CSMD1: variants seen among roughly 807,000 people sequenced by gnomAD.
The protein encoded by CSMD1 is CUB and Sushi multiple domains 1.
Under a neutral mutation model 417.5 loss-of-function variants are expected in CSMD1, and 213 were observed. The ratio of observed to expected loss-of-function variants is 0.51; its 90% confidence interval spans 0.46 to 0.57. The LOEUF is 0.57. CSMD1 is among the 20% of genes least tolerant of loss of function. The pLI, the probability that CSMD1 is intolerant of heterozygous loss-of-function variation, is 0.00. For synonymous variants in CSMD1, 2,862 were observed against 1,736.8 expected, an observed-to-expected ratio of 1.65 and a Z score of -16.11; for missense variants, 6,923 against 4,529.7, an observed-to-expected ratio of 1.53 and a Z score of -15.17.
intron 3 of CSMD1, among the ~76,000 whole-genome samples, chr8:4,413,900 C>T (rs1022956259): frequency 2.2e-4 from 34 of 152,272 alleles, no homozygotes; most frequent in African/African-American, 8.2e-4. Context: ...GTCTAAGTTA[C>T]CTAATTAGCC....
At chr8:3,803,458 A>T (rs1800567504) in intron 5 of CSMD1, among the ~76,000 whole-genome samples, 2 of 152,192 alleles carry the variant, frequency 1.3e-5, no homozygotes, top group South Asian at 4.1e-4. Flanking sequence ...AAAATATTAA[A>T]CCCCAAGTTA....
chr8:4,192,681 C>G (rs1445450531), intron 3 of CSMD1, among the ~76,000 whole-genome samples: 1 of 152,178 alleles, frequency 6.6e-6, no homozygotes, highest in East Asian at 1.9e-4. Flanking sequence ...GCACTTAAAT[C>G]TTAAATCTGT....
chr8:4,655,263 C>T (rs368381088), intron 1 of CSMD1, among the ~76,000 whole-genome samples: 1 of 152,054 alleles, frequency 6.6e-6, no homozygotes, highest in Non-Finnish European at 1.5e-5. Context: ...TAGAACCCTC[C>T]CCCTGGGGTC....
chr8:3,993,956 A>G (rs1288312435), intron 5 of CSMD1, among the ~76,000 whole-genome samples: 2 of 152,182 alleles, frequency 1.3e-5, no homozygotes, highest in Non-Finnish European at 2.9e-5. Flanking sequence ...ACGCCCAGTA[A>G]CATAAAGACA....
intron 25 of CSMD1, among the ~76,000 whole-genome samples, chr8:3,293,844 C>A (rs925926290): frequency 6.6e-6 from 1 of 152,206 alleles, no homozygotes; most frequent in East Asian, 1.9e-4. Flanking sequence ...AGTCATTCTC[C>A]ATCCAGCTTT....
intron 5 of CSMD1, among the ~76,000 whole-genome samples, chr8:3,789,145 T>G (rs1232604583): frequency 6.6e-6 from 1 of 152,144 alleles, no homozygotes; most frequent in Non-Finnish European, 1.5e-5. Flanking sequence ...TTTAGAGCAA[T>G]GCCCCAGAGA....
chr8:3,237,680 ATTATAC>A (rs1211873132), intron 26 of CSMD1, among the ~76,000 whole-genome samples: 2 of 142,952 alleles, frequency 1.4e-5, no homozygotes, highest in Non-Finnish European at 3.1e-5. Context: ...AATTTTTATA[ATTATAC>A]TTATACTACA....
At chr8:4,512,468 A>G (rs1486535497) in intron 2 of CSMD1, among the ~76,000 whole-genome samples, 1 of 151,584 alleles carries the variant, frequency 6.6e-6, no homozygotes, top group African/African-American at 2.4e-5. Context: ...ATACAGATAG[A>G]GAAGGAAGAA....
Position 2,949,398 on chromosome 8 carries a change from G to GAAAAGA in CSMD1, c.10315-13_10315-12insTCTTTT, listed in dbSNP as rs1585039169. 3 of 1,145,628 alleles carry GAAAAGA rather than the reference G, an allele frequency of 2.6e-6. No individual in the cohort carries two copies. The highest frequency in any genetic ancestry group is 2.4e-5 in the East Asian group (1 of 41,632). The allele number at this position is 1,145,628 out of a possible 1,614,324, so 71.0% of individuals were successfully genotyped here. Reference sequence around the variant, plus strand: ...AGTCCAGATGACACCTGACACATAGGAAAGAAAAGAAAAGAAATAAAAAGG... The same window carrying GAAAAGA: ...AGTCCAGATGACACCTGACACATAGGAAAAGAAAAGAAAAGAAAAGAAATAAAAAGG... On this transcript the variant is annotated splice_polypyrimidine_tract_variant and intron_variant, in intron 67 of 69. Transcript: ENST00000635120.
At chr8:3,419,005 G>C (rs1210281059) in intron 12 of CSMD1, among the ~76,000 whole-genome samples, 1 of 152,180 alleles carries the variant, frequency 6.6e-6, no homozygotes, top group Non-Finnish European at 1.5e-5. Flanking sequence ...TTGCTATAGT[G>C]TTCCTTTCAC....
At chr8:4,607,087 A>G (rs938629065) in intron 2 of CSMD1, among the ~76,000 whole-genome samples, 7 of 152,090 alleles carry the variant, frequency 4.6e-5, no homozygotes, top group Non-Finnish European at 8.8e-5. Flanking sequence ...ATGTTTATTC[A>G]TTTACTCAAG....
At chr8:3,752,470 C>A (rs1465457089) in intron 6 of CSMD1, among the ~76,000 whole-genome samples, 1 of 152,022 alleles carries the variant, frequency 6.6e-6, no homozygotes, top group Non-Finnish European at 1.5e-5. Context: ...GCCTGGCCAA[C>A]ATGGCGAAAC....
chr8:4,456,038 T>C (rs1332062543), intron 2 of CSMD1, among the ~76,000 whole-genome samples: 2 of 132,996 alleles, frequency 1.5e-5, no homozygotes, highest in Admixed American at 1.7e-4. Flanking sequence ...CCTCTTCAAG[T>C]TCTTCAATAC....
chr8:3,989,955 A>G (rs1394530810), intron 5 of CSMD1, among the ~76,000 whole-genome samples: 1 of 152,242 alleles, frequency 6.6e-6, no homozygotes, highest in African/African-American at 2.4e-5. Context: ...TGGCTTCAAG[A>G]GAAACTCTAA....
intron 26 of CSMD1, among the ~76,000 whole-genome samples, chr8:3,261,811 T>C (rs1801079955): frequency 6.6e-6 from 1 of 152,000 alleles, no homozygotes; most frequent in Non-Finnish European, 1.5e-5. Flanking sequence ...AGTCTGGAAG[T>C]ACAGAATAGA....
At position 3,890,068 on chromosome 8, in the gene CSMD1, C is replaced by T. The variant is rs558288711; in HGVS notation, c.818+107835G>A. Among the ~76,000 whole-genome samples, 8 of 152,104 alleles carry T rather than the reference C, an allele frequency of 5.3e-5. No individual in the cohort carries two copies. The South Asian group carries it at 1.7e-3, about 32-fold the overall frequency. ...GTTTCTGAATCCCAATTTATCATTG[C>T]ATTTGTGTGTTTTTATTTTAGGACA... On this transcript the variant is annotated intron_variant, in intron 5 of 69. Transcript: ENST00000635120.
intron 6 of CSMD1, among the ~76,000 whole-genome samples, chr8:3,734,696 G>A (rs925722467): frequency 2.0e-5 from 3 of 152,224 alleles, no homozygotes; most frequent in Admixed American, 2.0e-4. Context: ...GGGTGACAGA[G>A]TGAGATTTTG....
chr8:3,627,932 A>G (rs1796575741), intron 7 of CSMD1, among the ~76,000 whole-genome samples: 1 of 152,182 alleles, frequency 6.6e-6, no homozygotes, highest in South Asian at 2.1e-4. Context: ...AGATACCACA[A>G]GTTGAAAAGG....
rs1035277763 is a variant in CSMD1, at chr8:3,807,828, C to T, written c.819-53786G>A. On this transcript the variant is annotated intron_variant, in intron 5 of 69. Coordinates refer to ENST00000635120, the MANE Select transcript of CSMD1 (RefSeq NM_033225.6). The stretch of plus-strand genomic sequence containing the variant: ...GCACAGACCCTCACTGAGATCCTAG[C>T]ACATTTACAAATGGAATGACTGTGC... 4.6e-5 allele frequency among the ~76,000 whole-genome samples: 7 copies of T among 152,142 alleles called. No individual in the cohort carries two copies. In the East Asian group the frequency reaches 9.7e-4, roughly 21 times the overall value.
Sources: allele counts gnomAD v4.1 joint callset (sites outside exome capture counted in the v4.1 genomes callset), GRCh38; gene constraint gnomAD v4.1.1; transcripts MANE v1.5; gene names NCBI Gene and HGNC (gene_info 2026-07-23, HGNC 2026-07-21).